The following AKT1 variants were observed in gnomAD, a reference collection of about 807,000 sequenced individuals.
AKT1 encodes AKT serine/threonine kinase 1, also known as RAC-alpha serine/threonine-protein kinase.
Under a neutral mutation model 63.1 loss-of-function variants are expected in AKT1, and 21 were observed. The ratio of observed to expected loss-of-function variants is 0.33; its 90% CI spans 0.24 to 0.48. The LOEUF (loss-of-function observed/expected upper bound fraction) is 0.48, where lower values mean the gene tolerates loss of function less well. AKT1 is among the 20% of genes least tolerant of loss of function. AKT1 has a pLI of 0.99. For missense variants in AKT1, 382 were observed against 666.0 expected (o/e 0.57, Z 4.69); for synonymous variants, 257 against 253.1 (o/e 1.02, Z -0.15).
intron 5 of AKT1, chr14:104,776,419 T>G: frequency 2.2e-6 from 1 of 458,320 alleles, no homozygotes; most frequent in Non-Finnish European, 4.0e-6. Flanking sequence ...AGTGCCGAGA[T>G]TATAGACGTG....
chr14:104,775,592 C>T (rs1892653275), intron 6 of AKT1, 60 bp downstream of exon 6: 2 of 1,582,656 alleles, frequency 1.3e-6, no homozygotes, highest in Non-Finnish European at 1.7e-6. Flanking sequence ...CCATGACCCA[C>T]CCAGCCCTCC....
In AKT1 at chr14:104,773,367, T is replaced by C; in HGVS notation, c.841A>G (p.Met281Val). The stretch of plus-strand genomic sequence containing the variant: ...TTAATGTGCCCGTCCTTGTCCAGCA[T>C]GAGGTTCTCCAGCTAGGGGAAAGGT... ...VYRDLKLENLMLDKDGHIKIT... is the reference protein window; with the variant it reads ...VYRDLKLENLVLDKDGHIKIT... The change falls in exon 11 of 15, where the codon ATG becomes GTG. Residue 281 changes from methionine to valine, a missense_variant. Met to Val is a conservative substitution (Grantham distance 21, BLOSUM62 1). Transcript: ENST00000649815. The C allele has an allele frequency of 6.2e-7, 1 of 1,614,134 alleles. No individual in the cohort carries two copies.
At chr14:104,774,527 G>A in intron 8 of AKT1, 1 of 247,030 alleles carries the variant, frequency 4.0e-6, no homozygotes, top group Admixed American at 5.0e-5. Flanking sequence ...ACAGTGACCT[G>A]GAACTAACCA....
intron 3 of AKT1, among the ~76,000 whole-genome samples, chr14:104,784,566 C>G (rs561082543): frequency 6.6e-6 from 1 of 152,284 alleles, no homozygotes; most frequent in South Asian, 2.1e-4. Flanking sequence ...GGCTGGAGCA[C>G]CCCCAGGGAA....
intron 4 of AKT1, among the ~76,000 whole-genome samples, chr14:104,778,812 C>T (rs183256044): frequency 1.0e-3 from 159 of 152,312 alleles, no homozygotes; most frequent in Non-Finnish European, 1.6e-3. Context: ...GAAAGGAGGG[C>T]AGAGCTACTT....
intron 6 of AKT1, 175 bp from the exon 7 acceptor site, chr14:104,775,382 G>A: frequency 8.0e-7 from 1 of 1,253,374 alleles, no homozygotes; most frequent in Non-Finnish European, 1.1e-6. Context: ...GGGAACACAT[G>A]GCTGCGGCCC....
Position 104,789,112 on chromosome 14 carries a change from C to G in AKT1, c.46+3486G>C, listed in dbSNP as rs1595261407. Among the ~76,000 whole-genome samples the G allele has an allele frequency of 2.0e-5, 3 of 152,356 alleles. No individual in the cohort carries two copies. In the South Asian group the frequency reaches 6.2e-4, roughly 32 times the overall value. On this transcript the variant is annotated intron_variant, in intron 3 of 14. Transcript: ENST00000649815. ...GCCGAAGGCAGCCAGGCCTGCAGCT[C>G]TTCCCCGGCCCCTCTCGGACAGCGA...
At chr14:104,792,045 C>T (rs1337400130) in intron 3 of AKT1, among the ~76,000 whole-genome samples, 1 of 152,182 alleles carries the variant, frequency 6.6e-6, no homozygotes, top group Non-Finnish European at 1.5e-5. Context: ...CCTCGGGCAG[C>T]ACCTCCTCCA....
chr14:104,774,266 C>A, intron 8 of AKT1: 1 of 492,644 alleles, frequency 2.0e-6, no homozygotes, highest in Non-Finnish European at 3.7e-6. Context: ...CTGCCTCATG[C>A]CACGCCACCA....
rs868790862 is a variant in AKT1 at position 104,774,047 on chromosome 14, G to A, written c.634-67C>T. 1.3e-4 allele frequency: 191 copies of A among 1,459,308 alleles called. No individual in the cohort carries two copies. The Middle Eastern group carries it at 5.0e-3, about 38-fold the overall frequency. 90.4% of individuals were successfully genotyped at this position (1,459,308 alleles called of 1,614,324 possible). On this transcript the variant is annotated intron_variant, in intron 8 of 14. Transcript: ENST00000649815. ...ACGGCAGCCCCGCACCACGCTGCCC[G>A]ACACCACGCTGCTTGATACCACGTC...
intron 3 of AKT1, among the ~76,000 whole-genome samples, chr14:104,782,732 AG>A (rs1369780893): frequency 6.7e-6 from 1 of 149,102 alleles, no homozygotes; most frequent in Admixed American, 6.7e-5. Flanking sequence ...GTGTGAGTGA[AG>A]GGGCCTCACG....
intron 14 of AKT1, 47 bp from the exon 15 acceptor site, chr14:104,770,467 C>T (rs1892320805): frequency 1.3e-6 from 2 of 1,503,962 alleles, no homozygotes; most frequent in South Asian, 1.2e-5. Flanking sequence ...CTCCCTGCCA[C>T]CTCCACCCAC....
intron 4 of AKT1, among the ~76,000 whole-genome samples, chr14:104,779,662 G>A (rs1452170162): frequency 6.7e-6 from 1 of 148,362 alleles, no homozygotes; most frequent in Non-Finnish European, 1.5e-5. Flanking sequence ...ACTCTGCCCA[G>A]AAACCCCTGC....
chr14:104,789,745 T>C (rs551660096), intron 3 of AKT1, among the ~76,000 whole-genome samples: 2 of 152,304 alleles, frequency 1.3e-5, no homozygotes, highest in Admixed American at 6.5e-5. Flanking sequence ...TCTGGCCCCC[T>C]GTCCCTATAG....
At position 104,779,946 on chromosome 14, in the gene AKT1, G is replaced by A. The variant is rs184236645; in HGVS notation, c.175+142C>T. 5 of 1,257,992 alleles carry A rather than the reference G, an allele frequency of 4.0e-6. No homozygotes were observed. In the South Asian group the frequency reaches 6.1e-5, roughly 15 times the overall value. 77.9% of individuals were successfully genotyped at this position (1,257,992 alleles called of 1,614,324 possible). ...AGCCAGCCTCGGGACTCGGCCCAGA[G>A]ACCCCCACCCAGCCAGTGCTTGTTG... On this transcript the variant is annotated intron_variant, in intron 4 of 14. Coordinates refer to ENST00000649815, the MANE Select transcript of AKT1 (RefSeq NM_001382430.1).
intron 3 of AKT1, among the ~76,000 whole-genome samples, chr14:104,783,106 G>A (rs1406224792): frequency 1.3e-5 from 2 of 152,106 alleles, no homozygotes; most frequent in Non-Finnish European, 2.9e-5. Flanking sequence ...CTGCAGGCCT[G>A]CACCTGCCTA....
In AKT1 at chr14:104,792,742, C is replaced by A; in HGVS notation, c.-79-20G>T. The A allele has an allele frequency of 6.7e-7, 1 of 1,481,518 alleles. No homozygotes were observed. The highest frequency in any genetic ancestry group is 9.3e-7 in the Non-Finnish European group (1 of 1,073,166). The allele number at this position is 1,481,518 out of a possible 1,614,324, so 91.8% of individuals were successfully genotyped here. Reference sequence around the variant, plus strand: ...CAGCCTCTGGGAGAAGCAAAGGAAGCTGAATGTGAGGCCACGCCTGGCTAA... The same window carrying A: ...CAGCCTCTGGGAGAAGCAAAGGAAGATGAATGTGAGGCCACGCCTGGCTAA... On this transcript the variant is annotated intron_variant, in intron 2 of 14. Coordinates refer to ENST00000649815, the MANE Select transcript of AKT1 (RefSeq NM_001382430.1).
intron 8 of AKT1, 114 bp downstream of exon 8, chr14:104,774,824 C>T (rs1245308379): frequency 1.8e-5 from 21 of 1,194,706 alleles, no homozygotes; most frequent in African/African-American, 1.5e-5. Context: ...CGGCGGAGTC[C>T]ACGGTGTGTA....
chr14:104,775,629 G>C, intron 6 of AKT1, 23 bp downstream of exon 6: 1 of 1,612,320 alleles, frequency 6.2e-7, no homozygotes. Context: ...CCAGGCACAG[G>C]CAGAAGTGGG....
Sources: gnomAD v4.1 joint callset for allele counts (sites outside exome capture counted in the v4.1 genomes callset) on GRCh38, gnomAD v4.1.1 for gene constraint, MANE v1.5 for transcripts, NCBI Gene and HGNC (gene_info 2026-07-23, HGNC 2026-07-21) for gene names.